Variants in IGSF5 observed in about 807,000 individuals in gnomAD.
IGSF5 encodes immunoglobulin superfamily 5 like.
Under a neutral mutation model 39.4 loss-of-function variants are expected in IGSF5, and 41 were observed. That is an observed-to-expected ratio of 1.04 (90% CI 0.81 to 1.35). IGSF5 has a LOEUF of 1.35. Ranked by LOEUF, IGSF5 falls within the 40% of genes most tolerant of loss-of-function variation. The pLI, the probability that IGSF5 is intolerant of heterozygous loss-of-function variation, is 0.00. For synonymous variants in IGSF5, 183 were observed against 175.3 expected (o/e 1.04, Z -0.34); for missense variants, 487 against 494.6 (o/e 0.98, Z 0.15).
upstream of IGSF5, among the ~76,000 whole-genome samples, chr21:39,743,698 A>G (rs2079957920): frequency 6.6e-6 from 1 of 152,158 alleles, no homozygotes; most frequent in Non-Finnish European, 1.5e-5. Context: ...TACTTTTTGC[A>G]TAACTGCGAG....
intron 5 of IGSF5, among the ~76,000 whole-genome samples, chr21:39,782,597 T>G (rs1287684929): frequency 2.6e-5 from 4 of 152,214 alleles, no homozygotes; most frequent in African/African-American, 9.6e-5. Context: ...ATAAGTGGAA[T>G]CATGCAGTAT....
intron 2 of IGSF5, among the ~76,000 whole-genome samples, chr21:39,754,309 A>G (rs2080019551): frequency 6.6e-6 from 1 of 152,258 alleles, no homozygotes; most frequent in African/African-American, 2.4e-5. Flanking sequence ...GGCTAAAGAT[A>G]GGACTTCAAT....
At position 39,745,257 on chromosome 21, in the gene IGSF5, A is replaced by G; in HGVS notation, c.-253A>G. 3.0e-6 allele frequency: 1 copy of G among 329,962 alleles called. No individual in the cohort carries two copies. Among genetic ancestry groups the G allele is most frequent in the Non-Finnish European group, 5.7e-6 (1 of 176,502 alleles). The allele number at this position is 329,962 out of a possible 1,614,324, so 20.4% of individuals were successfully genotyped here. On this transcript the variant is annotated 5_prime_UTR_variant, in exon 1 of 9. In the 5' UTR this introduces an upstream ATG that the reference lacks. Coordinates refer to ENST00000380588, the MANE Select transcript of IGSF5 (RefSeq NM_001080444.2). ...GGGTGGTGGGGAATGGGTCCTGCATAACTGCTCATGTCAAGAGCTGTATAC... is the reference window on the plus strand; with the variant it reads ...GGGTGGTGGGGAATGGGTCCTGCATGACTGCTCATGTCAAGAGCTGTATAC...
intron 2 of IGSF5, among the ~76,000 whole-genome samples, chr21:39,764,721 A>G (rs2837185): frequency 0.77 from 117,458 of 152,134 alleles, 45,513 homozygotes; most frequent in East Asian, 0.9. Context: ...ATGTTGGCAG[A>G]CCACCTGGTT....
the IGSF5 span, among the ~76,000 whole-genome samples, chr21:39,738,646 G>A: frequency 5.3e-4 from 81 of 152,260 alleles, no homozygotes; most frequent in Middle Eastern, 3.4e-3. This position sits in a 1 kb window ranked among gnomAD's most constrained non-coding sequence, Gnocchi z 6.4. Context: ...AATACACTGC[G>A]GAGAGGTGAC....
At chr21:39,776,906 C>T (rs2080144406) in intron 4 of IGSF5, among the ~76,000 whole-genome samples, 2 of 152,170 alleles carry the variant, frequency 1.3e-5, no homozygotes, top group Non-Finnish European at 1.5e-5. Flanking sequence ...GTTATATATG[C>T]AAACTTCAGT....
At position 39,771,734 on chromosome 21, in the gene IGSF5, C is replaced by G. The variant is rs75144975; in HGVS notation, c.718+519C>G. 1.7e-3 allele frequency among the ~76,000 whole-genome samples: 259 copies of G among 152,316 alleles called. 6 individuals carry two copies. The East Asian group carries it at 0.044, about 26-fold the overall frequency. Reference sequence around the variant, plus strand: ...AGTTTAACTTGACTAAATGACAGAACTTTAAAGTTTAGATCCCCCTAAAGA... The same window carrying G: ...AGTTTAACTTGACTAAATGACAGAAGTTTAAAGTTTAGATCCCCCTAAAGA... On this transcript the variant is annotated intron_variant, in intron 4 of 8. Transcript: ENST00000380588.
At chr21:39,754,944 T>C (rs549408119) in intron 2 of IGSF5, among the ~76,000 whole-genome samples, 32 of 152,236 alleles carry the variant, frequency 2.1e-4, no homozygotes, top group Non-Finnish European at 3.7e-4. Flanking sequence ...TGAGGGTGTT[T>C]TTGCACTGCC....
At chr21:39,758,310 G>A (rs981287476) in intron 2 of IGSF5, among the ~76,000 whole-genome samples, 3 of 152,030 alleles carry the variant, frequency 2.0e-5, no homozygotes, top group South Asian at 2.1e-4. Context: ...GCATTGACTC[G>A]ACTCCCAGAA....
chr21:39,794,420 C>T (rs537729500), intron 8 of IGSF5, among the ~76,000 whole-genome samples: 3 of 152,182 alleles, frequency 2.0e-5, no homozygotes, highest in African/African-American at 7.2e-5. Flanking sequence ...GGCAATGTTT[C>T]GATGGGAGCT....
chr21:39,719,698 T>G, the IGSF5 span, among the ~76,000 whole-genome samples: 1 of 152,190 alleles, frequency 6.6e-6, no homozygotes, highest in African/African-American at 2.4e-5. Context: ...CACACCACTC[T>G]CACTAAGGGT....
rs553541652 is a variant in IGSF5, at chr21:39,790,062, T to C, written c.956+1874T>C. On this transcript the variant is annotated intron_variant, in intron 6 of 8. Transcript: ENST00000380588. ...ATTCACAGCTAGAACATCCTCAGCA[T>C]CCCCAAAGCCCCCTAGACCCCGGTC... Among the ~76,000 whole-genome samples the C allele has an allele frequency of 7.4e-4, 112 of 152,204 alleles. 1 individual carries two copies. Among genetic ancestry groups the C allele is most frequent in the Non-Finnish European group, 6.0e-4 (41 of 68,016 alleles).
At chr21:39,731,113 G>GC in the IGSF5 span, among the ~76,000 whole-genome samples, 1 of 152,174 alleles carries the variant, frequency 6.6e-6, no homozygotes, top group African/African-American at 2.4e-5. Context: ...GAATGCATGG[G>GC]CTATCCTTTC....
At chr21:39,776,636 G>A (rs2837213) in intron 4 of IGSF5, among the ~76,000 whole-genome samples, 90,226 of 151,684 alleles carry the variant, frequency 0.59, 29,237 homozygotes, top group Non-Finnish European at 0.72. Context: ...TGCATTCTCT[G>A]AAAATAAGGC....
intron 8 of IGSF5, among the ~76,000 whole-genome samples, chr21:39,795,607 G>A (rs911527251): frequency 1.3e-5 from 2 of 151,636 alleles, no homozygotes; most frequent in Non-Finnish European, 2.9e-5. Flanking sequence ...GGAGAATGAC[G>A]TTTTGGAGCT....
intron 2 of IGSF5, among the ~76,000 whole-genome samples, chr21:39,749,121 G>C (rs545779550): frequency 6.6e-6 from 1 of 152,150 alleles, no homozygotes; most frequent in African/African-American, 2.4e-5. Flanking sequence ...AGAGTTAAAA[G>C]GCTTATATAT....
chr21:39,795,623 T>C (rs2086991681), intron 8 of IGSF5, among the ~76,000 whole-genome samples: 1 of 151,188 alleles, frequency 6.6e-6, no homozygotes, highest in Non-Finnish European at 1.5e-5. Flanking sequence ...GAGCTCGGAG[T>C]GGATGCTTCT....
chr21:39,762,661 C>G (rs182220425), intron 2 of IGSF5, among the ~76,000 whole-genome samples: 49 of 152,258 alleles, frequency 3.2e-4, no homozygotes, highest in Admixed American at 5.9e-4. Flanking sequence ...AGGCCTATTT[C>G]AAGATACGGC....
intron 2 of IGSF5, among the ~76,000 whole-genome samples, chr21:39,758,986 G>A (rs930703139): frequency 6.6e-6 from 1 of 152,208 alleles, no homozygotes; most frequent in African/African-American, 2.4e-5. Flanking sequence ...GAGACCAAGA[G>A]CATTCAGTGG....
Sources: allele counts gnomAD v4.1 joint callset (sites outside exome capture counted in the v4.1 genomes callset), GRCh38; gene constraint gnomAD v4.1.1; non-coding constraint Gnocchi (gnomAD v3.1); transcripts MANE v1.5; gene names NCBI Gene and HGNC (gene_info 2026-07-23, HGNC 2026-07-21).